Variants in BICD1 observed in about 807,000 individuals in gnomAD.
The protein encoded by BICD1 is BICD cargo adaptor 1, also known as protein bicaudal D homolog 1.
In BICD1, 35 loss-of-function variants were observed where a neutral mutation model predicts 92.5. The ratio of observed to expected loss-of-function variants is 0.38; its 90% CI spans 0.29 to 0.50. The LOEUF is 0.50. Ranked by LOEUF, BICD1 falls within the 20% of genes least tolerant of loss-of-function variation. The pLI, the probability that BICD1 is intolerant of heterozygous loss-of-function variation, is 0.93. For synonymous variants in BICD1, 429 were observed against 465.1 expected, an observed-to-expected ratio of 0.92 and a Z score of 1.00; for missense variants, 950 against 1,189.8, an observed-to-expected ratio of 0.80 and a Z score of 2.97.
intron 3 of BICD1, among the ~76,000 whole-genome samples, chr12:32,303,869 T>C (rs1202859355): frequency 6.6e-6 from 1 of 152,004 alleles, no homozygotes; most frequent in Non-Finnish European, 1.5e-5. Flanking sequence ...GGTCAGGAGA[T>C]TGAAATCATC....
At chr12:32,154,305 G>A (rs1462507996) in intron 1 of BICD1, among the ~76,000 whole-genome samples, 1 of 152,084 alleles carries the variant, frequency 6.6e-6, no homozygotes, top group Non-Finnish European at 1.5e-5. Context: ...TAAAAGGCGA[G>A]GTCTATTGGA....
intron 1 of BICD1, among the ~76,000 whole-genome samples, chr12:32,115,385 TGG>T (rs1491345201): frequency 1.7e-3 from 109 of 63,578 alleles, no homozygotes; most frequent in Admixed American, 6.5e-3. Flanking sequence ...GTGGTGTTTT[TGG>T]TTTTTTTTTT....
rs562467789 is a variant in BICD1, at chr12:32,350,589, T to G, written c.2764+11610T>G. ...TATATAGCTCATCAACCAGCAAAGATTCCTAGTGCACCACACTCGTTATAG... is the reference window on the plus strand; with the variant it reads ...TATATAGCTCATCAACCAGCAAAGAGTCCTAGTGCACCACACTCGTTATAG... On this transcript the variant is annotated intron_variant, in intron 8 of 9. Transcript: ENST00000652176. 4.6e-5 allele frequency among the ~76,000 whole-genome samples: 7 copies of G among 152,254 alleles called. No individual in the cohort carries two copies. The South Asian group carries it at 1.5e-3, about 32-fold the overall frequency.
intron 2 of BICD1, among the ~76,000 whole-genome samples, chr12:32,222,412 T>C (rs1044515094): frequency 2.6e-5 from 4 of 152,168 alleles, no homozygotes; most frequent in Non-Finnish European, 5.9e-5. Context: ...TATTATATTA[T>C]ACCCCTATTT....
intron 1 of BICD1, among the ~76,000 whole-genome samples, chr12:32,173,357 A>C (rs1457377220): frequency 6.6e-6 from 1 of 152,104 alleles, no homozygotes; most frequent in African/African-American, 2.4e-5. Context: ...GCCCAGGCAG[A>C]GTTTTAATTG....
At chr12:32,258,020 T>C (rs1381844142) in intron 2 of BICD1, among the ~76,000 whole-genome samples, 2 of 152,216 alleles carry the variant, frequency 1.3e-5, no homozygotes, top group Non-Finnish European at 1.5e-5. Context: ...TTTTGGAGCA[T>C]GTATATGAGC....
At chr12:32,215,879 G>A (rs261880) in intron 1 of BICD1, among the ~76,000 whole-genome samples, 3 of 150,498 alleles carry the variant, frequency 2.0e-5, no homozygotes, top group East Asian at 2.0e-4. Context: ...GCGTGAACCC[G>A]GGAGGCGGAG....
At chr12:32,140,194 C>T (rs534348530) in intron 1 of BICD1, among the ~76,000 whole-genome samples, 3 of 152,314 alleles carry the variant, frequency 2.0e-5, no homozygotes, top group Non-Finnish European at 4.4e-5. Flanking sequence ...CAGCAGGATC[C>T]TCTGGGCTTC....
intron 3 of BICD1, among the ~76,000 whole-genome samples, chr12:32,303,193 C>T: frequency 6.6e-6 from 1 of 152,056 alleles, no homozygotes; most frequent in South Asian, 2.1e-4. Context: ...GATTACAGGC[C>T]TGAGATTACA....
chr12:32,372,546 G>T (rs907295696), intron 9 of BICD1, among the ~76,000 whole-genome samples: 2 of 152,128 alleles, frequency 1.3e-5, no homozygotes, highest in Non-Finnish European at 2.9e-5. Flanking sequence ...TAAGGTGAAT[G>T]ATTTTTTAAT....
chr12:32,134,835 C>G (rs1283606797), intron 1 of BICD1, among the ~76,000 whole-genome samples: 2 of 152,178 alleles, frequency 1.3e-5, no homozygotes, highest in African/African-American at 4.8e-5. Context: ...GCAGATATTG[C>G]AAGCTGATAT....
rs145953855 is a variant in BICD1 at position 32,373,877 on chromosome 12, C to CAA, written c.2841-3650_2841-3649dup. Among the ~76,000 whole-genome samples, 12 of 121,920 alleles carry CAA rather than the reference C, an allele frequency of 9.8e-5. No individual in the cohort carries two copies. In the Middle Eastern group the frequency reaches 0.018, roughly 180 times the overall value. 80.0% of individuals were successfully genotyped at this position (121,920 alleles called of 152,430 possible). On this transcript the variant is annotated intron_variant, in intron 9 of 9. Transcript: ENST00000652176. ...GCTGGGCGACAGTTTGAGACTGTCT[C>CAA]AAAAAAAAAAAAAAGTATTGGATTA... is the stretch of plus-strand genomic sequence containing the variant.
intron 4 of BICD1, among the ~76,000 whole-genome samples, chr12:32,306,489 C>T (rs1222025495): frequency 1.3e-5 from 2 of 151,878 alleles, no homozygotes; most frequent in Non-Finnish European, 2.9e-5. Flanking sequence ...CGTGATCCGC[C>T]CGCCTTGGCC....
chr12:32,307,834 A>G (rs1292602046), intron 4 of BICD1, among the ~76,000 whole-genome samples: 1 of 152,228 alleles, frequency 6.6e-6, no homozygotes, highest in Non-Finnish European at 1.5e-5. Flanking sequence ...ATTCATAAGA[A>G]TTTGTGCCCC....
chr12:32,253,922 C>CACTGCTGTATCCCACCTGTCATATTT (rs994573106), intron 2 of BICD1, among the ~76,000 whole-genome samples: 1 of 142,708 alleles, frequency 7.0e-6, no homozygotes, highest in East Asian at 2.0e-4. Flanking sequence ...CTGCCATAAT[C>CACTGCTGTATCCCACCTGTCATATTT]ACTGCTGTAT....
At chr12:32,252,763 T>C (rs578014894) in intron 2 of BICD1, among the ~76,000 whole-genome samples, 1 of 152,310 alleles carries the variant, frequency 6.6e-6, no homozygotes, top group Non-Finnish European at 1.5e-5. Flanking sequence ...GTTAATGCCT[T>C]ATAGCTATCA....
intron 1 of BICD1, chr12:32,108,836 G>C (rs1941590146): frequency 1.9e-6 from 1 of 520,222 alleles, no homozygotes; most frequent in Non-Finnish European, 3.4e-6. Flanking sequence ...GTAAATTTCT[G>C]GTTCCTATTT....
At chr12:32,192,095 C>A (rs1469674400) in intron 1 of BICD1, among the ~76,000 whole-genome samples, 4 of 152,102 alleles carry the variant, frequency 2.6e-5, no homozygotes, top group Non-Finnish European at 4.4e-5. Context: ...GGCCAAGAAA[C>A]GTTCTTGAAG....
chr12:32,343,636 A>G (rs1350586485), intron 8 of BICD1, among the ~76,000 whole-genome samples: 4 of 152,028 alleles, frequency 2.6e-5, no homozygotes, highest in African/African-American at 9.7e-5. Flanking sequence ...CTCTCATTTC[A>G]ATCTCCTCCT....
Sources: allele counts gnomAD v4.1 joint callset (sites outside exome capture counted in the v4.1 genomes callset), GRCh38; gene constraint gnomAD v4.1.1; transcripts MANE v1.5; gene names NCBI Gene and HGNC (gene_info 2026-07-23, HGNC 2026-07-21).